AGBL1: variants seen among roughly 807,000 people sequenced by gnomAD.
The protein encoded by AGBL1 is cytosolic carboxypeptidase 4.
Under a neutral mutation model 118.9 loss-of-function variants are expected in AGBL1, and 130 were observed. The ratio of observed to expected loss-of-function variants is 1.09; its 90% CI spans 0.95 to 1.26. The LOEUF is 1.26. Ranked by LOEUF, AGBL1 falls within the 50% of genes most tolerant of loss-of-function variation. The pLI is 0.00. For missense variants in AGBL1, 1,584 were observed against 1,298.1 expected (o/e 1.22, Z -3.38); for synonymous variants, 555 against 478.9 (o/e 1.16, Z -2.08).
intron 22 of AGBL1, among the ~76,000 whole-genome samples, chr15:86,754,281 A>T (rs985235513): frequency 1.3e-5 from 2 of 152,102 alleles, no homozygotes; most frequent in Non-Finnish European, 2.9e-5. Flanking sequence ...TTTCATGCAG[A>T]TATATCTTGC....
At chr15:86,173,326 T>G (rs145152961) in intron 5 of AGBL1, 4 of 152,286 alleles carry the variant, frequency 2.6e-5, no homozygotes, top group African/African-American at 9.6e-5. Context: ...TTGGGTTCCT[T>G]GTATATTCTG....
chr15:86,769,205 GA>G (rs1260772912), intron 22 of AGBL1, among the ~76,000 whole-genome samples: 3 of 60,726 alleles, frequency 4.9e-5, no homozygotes, highest in Admixed American at 1.6e-4. Context: ...GAAAGAGGGA[GA>G]GAGAGAGAGA....
chr15:86,323,765 T>G (rs1363696133), intron 17 of AGBL1, among the ~76,000 whole-genome samples: 1 of 152,364 alleles, frequency 6.6e-6, no homozygotes, highest in Admixed American at 6.5e-5. Context: ...GTGTGACTTC[T>G]GAAACTATCC....
chr15:86,779,303 A>G (rs898480050), intron 22 of AGBL1, among the ~76,000 whole-genome samples: 1 of 152,186 alleles, frequency 6.6e-6, no homozygotes, highest in Non-Finnish European at 1.5e-5. Flanking sequence ...TTGATCTTGA[A>G]CTTCTCAGTC....
In AGBL1 at chr15:86,264,681, A is replaced by T; in HGVS notation, c.1510A>T (p.Lys504Ter). ...AGATAAGCTTCTGCAGACACATCTG[A>T]AGCGTGTCCCTTTCCACGATCCCTA... ...VIDKLLQTHL[K>*]RVPFHDPYLY... Residue 504 changes from lysine (K) to a stop codon, truncating the protein, a stop_gained, in exon 11 of 23, where the codon AAG (lysine) becomes TAG (stop). Coordinates refer to ENST00000614907, the MANE Select transcript of AGBL1 (RefSeq NM_001386094.1). LOFTEE classifies it high-confidence loss of function. 2 of 1,614,024 alleles carry T rather than the reference A, an allele frequency of 1.2e-6. No individual in the cohort carries two copies. Among genetic ancestry groups the T allele is most frequent in the Non-Finnish European group, 1.7e-6 (2 of 1,179,898 alleles).
At chr15:86,846,188 A>T (rs2079314511) in intron 22 of AGBL1, among the ~76,000 whole-genome samples, 1 of 152,128 alleles carries the variant, frequency 6.6e-6, no homozygotes, top group South Asian at 2.1e-4. Context: ...TATTTCCTGT[A>T]TGACATCTCA....
intron 22 of AGBL1, among the ~76,000 whole-genome samples, chr15:86,739,987 A>C (rs2077654979): frequency 6.6e-6 from 1 of 152,210 alleles, no homozygotes; most frequent in South Asian, 2.1e-4. Flanking sequence ...TCACCTTTAA[A>C]GCCTGATACA....
intron 22 of AGBL1, among the ~76,000 whole-genome samples, chr15:86,700,662 A>G (rs2086342416): frequency 6.6e-6 from 1 of 152,168 alleles, no homozygotes; most frequent in Admixed American, 6.6e-5. Context: ...ACCAAAAAAT[A>G]GAAATGATAC....
intron 24 of AGBL1, among the ~76,000 whole-genome samples, chr15:86,993,979 C>G (rs2081355544): frequency 6.6e-6 from 1 of 152,048 alleles, no homozygotes; most frequent in Non-Finnish European, 1.5e-5. Context: ...ATCCATCCTG[C>G]CAAACCCCAA....
intron 17 of AGBL1, among the ~76,000 whole-genome samples, chr15:86,377,956 A>G (rs2141955083): frequency 6.6e-6 from 1 of 152,300 alleles, no homozygotes; most frequent in Admixed American, 6.5e-5. Context: ...AGAGACCATT[A>G]AAACAAATAA....
chr15:86,087,876 TG>T (rs1260676001), intron 1 of AGBL1, among the ~76,000 whole-genome samples: 1 of 152,188 alleles, frequency 6.6e-6, no homozygotes, highest in Non-Finnish European at 1.5e-5. Flanking sequence ...AAGTGTCTGC[TG>T]GGGAAAGATG....
intron 18 of AGBL1, among the ~76,000 whole-genome samples, chr15:86,458,123 G>C (rs1490713108): frequency 2.0e-5 from 3 of 152,098 alleles, no homozygotes; most frequent in African/African-American, 7.2e-5. Context: ...GGCTCAGAAG[G>C]CTGGCTTAAA....
chr15:86,483,247 C>T (rs979442363), intron 18 of AGBL1, among the ~76,000 whole-genome samples: 1 of 152,016 alleles, frequency 6.6e-6, no homozygotes, highest in African/African-American at 2.4e-5. Context: ...ACTGTACATC[C>T]TCTGTAGACT....
intron 18 of AGBL1, among the ~76,000 whole-genome samples, chr15:86,409,692 C>G (rs1014888454): frequency 1.3e-5 from 2 of 152,142 alleles, no homozygotes; most frequent in African/African-American, 2.4e-5. Context: ...GGGTTTCCCC[C>G]CCTCACTTCC....
chr15:86,877,486 CAG>C (rs764013312), intron 22 of AGBL1, among the ~76,000 whole-genome samples: 19 of 152,148 alleles, frequency 1.2e-4, no homozygotes, highest in Non-Finnish European at 2.6e-4. Flanking sequence ...CCTCTTAGGA[CAG>C]ACTTTCTTGT....
At chr15:86,546,702 A>C (rs771386361) in intron 20 of AGBL1, among the ~76,000 whole-genome samples, 1 of 152,164 alleles carries the variant, frequency 6.6e-6, no homozygotes, top group African/African-American at 2.4e-5. Flanking sequence ...ATTTTACTTT[A>C]GTTTTAGTGG....
intron 22 of AGBL1, among the ~76,000 whole-genome samples, chr15:86,873,067 A>C (rs1244586379): frequency 6.6e-6 from 1 of 152,202 alleles, no homozygotes; most frequent in Non-Finnish European, 1.5e-5. Context: ...GCCAAACCCC[A>C]GGTCTCCACA....
chr15:86,713,234 GAT>G (rs1282642622), intron 22 of AGBL1, among the ~76,000 whole-genome samples: 1 of 152,144 alleles, frequency 6.6e-6, no homozygotes, highest in African/African-American at 2.4e-5. Context: ...GAAGGACAAA[GAT>G]AGAAAATTCA....
chr15:86,275,713 T>C (rs979921008), intron 15 of AGBL1, among the ~76,000 whole-genome samples: 6 of 152,212 alleles, frequency 3.9e-5, no homozygotes, highest in African/African-American at 1.4e-4. Flanking sequence ...CTTTTAGCTG[T>C]GAAGTTGCTG....
Sources: allele counts gnomAD v4.1 joint callset (sites outside exome capture counted in the v4.1 genomes callset), GRCh38; gene constraint gnomAD v4.1.1; transcripts MANE v1.5; gene names NCBI Gene and HGNC (gene_info 2026-07-23, HGNC 2026-07-21).